CCDC170: variants seen among roughly 807,000 people sequenced by gnomAD.
CCDC170 encodes the protein coiled-coil domain-containing protein 170.
A neutral mutation model predicts 72.6 loss-of-function variants in CCDC170; 69 were observed. The ratio of observed to expected loss-of-function variants is 0.95; its 90% CI spans 0.78 to 1.16. CCDC170 has a LOEUF of 1.16. CCDC170 is among the 50% of genes most tolerant of loss of function. The pLI is 0.00. For missense variants in CCDC170, 852 were observed against 832.5 expected (o/e 1.02, Z -0.29); for synonymous variants, 300 against 303.9 (o/e 0.99, Z 0.13).
At chr6:151,563,849 G>T (rs1257554757) in intron 5 of CCDC170, among the ~76,000 whole-genome samples, 1 of 152,160 alleles carries the variant, frequency 6.6e-6, no homozygotes, top group African/African-American at 2.4e-5. Context: ...GAGCTTCTCA[G>T]GGGTCAATCT....
At chr6:151,610,109 A>G (rs1351741998) in intron 9 of CCDC170, among the ~76,000 whole-genome samples, 1 of 152,210 alleles carries the variant, frequency 6.6e-6, no homozygotes, top group Non-Finnish European at 1.5e-5. Flanking sequence ...TAGCAGTGAG[A>G]TAGTTTGTAA....
intron 1 of CCDC170, among the ~76,000 whole-genome samples, chr6:151,522,183 A>T (rs575282897): frequency 2.6e-5 from 4 of 152,072 alleles, no homozygotes; most frequent in Non-Finnish European, 4.4e-5. Flanking sequence ...TTTCACTTTA[A>T]AGATAATACT....
At chr6:151,529,357 G>T (rs1240777560) in intron 1 of CCDC170, among the ~76,000 whole-genome samples, 5 of 152,056 alleles carry the variant, frequency 3.3e-5, no homozygotes, top group Non-Finnish European at 5.9e-5. Context: ...CCTTCTTGCT[G>T]CTATTACTAA....
In CCDC170 at chr6:151,549,107, G is replaced by A. The variant is rs985365571; in HGVS notation, c.774+618G>A. On this transcript the variant is annotated intron_variant, in intron 5 of 10. Transcript: ENST00000239374. ...TTTTTAGTAGAGATGGGGTTTCACC[G>A]TGTTAGTCAGGATGGTCTCAATCTC... 4.6e-5 allele frequency among the ~76,000 whole-genome samples: 7 copies of A among 152,058 alleles called. No individual in the cohort carries two copies. The East Asian group carries it at 7.7e-4, about 17-fold the overall frequency.
chr6:151,503,706 G>A (rs1377093228), intron 1 of CCDC170, among the ~76,000 whole-genome samples: 1 of 152,084 alleles, frequency 6.6e-6, no homozygotes, highest in Non-Finnish European at 1.5e-5. Flanking sequence ...ACCTGCCCCA[G>A]CCTCCCAAAG....
At position 151,596,460 on chromosome 6, in the gene CCDC170, G is replaced by T. The variant is rs3757321; in HGVS notation, c.1593G>T (p.Ala531=). Residue 531 remains alanine, a synonymous_variant, in exon 9 of 11, where the codon GCG becomes GCT. Transcript: ENST00000239374. ...CCTTGGTGGTTGAGAGGGACAACGC[G>T]CATCTTACCATCAGGAACTTGCAGA... ...RTALVVERDN[A]HLTIRNLQKK... 3 of 1,613,940 alleles carry T rather than the reference G, an allele frequency of 1.9e-6. No individual in the cohort carries two copies. Among genetic ancestry groups the T allele is most frequent in the Non-Finnish European group, 2.5e-6 (3 of 1,179,998 alleles).
chr6:151,517,479 G>T (rs1782252593), intron 1 of CCDC170, among the ~76,000 whole-genome samples: 1 of 149,708 alleles, frequency 6.7e-6, no homozygotes, highest in African/African-American at 2.5e-5. Context: ...TGTCACCCAG[G>T]CTGCGTGCAG....
intron 1 of CCDC170, among the ~76,000 whole-genome samples, chr6:151,510,466 G>T (rs145075004): frequency 6.6e-6 from 1 of 152,078 alleles, no homozygotes; most frequent in Non-Finnish European, 1.5e-5. Flanking sequence ...TATCAGTGAG[G>T]TTACAGAATA....
In CCDC170 at chr6:151,540,373, C is replaced by CTTTT. The variant is rs779650559; in HGVS notation, c.443+2098_443+2101dup. Among the ~76,000 whole-genome samples, 333 of 37,956 alleles carry CTTTT rather than the reference C, an allele frequency of 8.8e-3. 91 individuals are homozygous for CTTTT. Among genetic ancestry groups the CTTTT allele is most frequent in the East Asian group, 0.021 (17 of 816 alleles). 24.9% of individuals were successfully genotyped at this position (37,956 alleles called of 152,430 possible). A position where few individuals can be genotyped will look rare whatever the true frequency, so the allele number is the denominator to read the frequency against. On this transcript the variant is annotated intron_variant, in intron 3 of 10. Transcript: ENST00000239374. Reference sequence around the variant, plus strand: ...CCTCCTCCTCCTTCTTCTGCTGCTGCTTTTTTTTTTTTTTTTTTTTTTTTT... The same window carrying CTTTT: ...CCTCCTCCTCCTTCTTCTGCTGCTGCTTTTTTTTTTTTTTTTTTTTTTTTTTTTT...
intron 5 of CCDC170, among the ~76,000 whole-genome samples, chr6:151,551,819 C>G (rs1054384009): frequency 6.6e-6 from 1 of 152,100 alleles, no homozygotes; most frequent in African/African-American, 2.4e-5. Context: ...CCAGCAAAGT[C>G]GTGCTGAGAT....
intron 1 of CCDC170, among the ~76,000 whole-genome samples, chr6:151,528,992 T>C (rs1322317793): frequency 6.6e-6 from 1 of 152,194 alleles, no homozygotes; most frequent in Non-Finnish European, 1.5e-5. Context: ...ACATCCTTAT[T>C]GAAAAAGTCA....
chr6:151,580,453 C>A lies in CCDC170; in HGVS notation c.1093-5436C>A, dbSNP rs146806800. On this transcript the variant is annotated intron_variant, in intron 6 of 10. Transcript: ENST00000239374. ...ACCAAGATAAACACTGTTTCTCTTG[C>A]GTTAAGATCAGATTTATCTGCTATA... Among the ~76,000 whole-genome samples the A allele has an allele frequency of 2.0e-5, 3 of 151,830 alleles. 1 individual carries two copies. Among genetic ancestry groups the A allele is most frequent in the South Asian group, 4.2e-4 (2 of 4,810 alleles).
chr6:151,537,996 A>G, intron 2 of CCDC170, 49 bp from the exon 3 acceptor site: 1 of 1,534,448 alleles, frequency 6.5e-7, no homozygotes, highest in Non-Finnish European at 8.8e-7. Context: ...GATAATTCAA[A>G]CTTATGTTGT....
chr6:151,534,832 G>A (rs1782551844), intron 1 of CCDC170, among the ~76,000 whole-genome samples: 1 of 152,198 alleles, frequency 6.6e-6, no homozygotes, highest in South Asian at 2.1e-4. Context: ...TAGTGGAGTA[G>A]TCTCTGGCAG....
intron 1 of CCDC170, 64 bp downstream of exon 1, chr6:151,494,249 C>T (rs929271473): frequency 2.0e-5 from 28 of 1,409,868 alleles, no homozygotes; most frequent in Non-Finnish European, 2.4e-5. Context: ...CAGGAGGGGC[C>T]GAGGCGCCCC....
intron 5 of CCDC170, among the ~76,000 whole-genome samples, chr6:151,554,801 G>A (rs1782946553): frequency 6.6e-6 from 1 of 150,730 alleles, no homozygotes; most frequent in Non-Finnish European, 1.5e-5. Context: ...GGCTGCTTGG[G>A]TTTTTATCCT....
chr6:151,615,588 A>C lies in CCDC170; in HGVS notation c.1856A>C (p.Lys619Thr). ...ACAGAACATGAGGCTAAGGAGAATA[A>C]AGAAAGGGCCAGAAACATGATAGAA... ...DTTEHEAKEN[K>T]ERARNMIEVV... The change falls in exon 10 of 11, where the codon AAA becomes ACA. Residue 619 changes from lysine to threonine, a missense_variant. Physicochemically the swap from Lys to Thr is moderately conservative, Grantham distance 78. Transcript: ENST00000239374. 6.2e-7 allele frequency: 1 copy of C among 1,614,148 alleles called. No homozygotes were observed. The highest frequency in any genetic ancestry group is 8.5e-7 in the Non-Finnish European group (1 of 1,180,004).
At position 151,615,457 on chromosome 6, in the gene CCDC170, A is replaced by G; in HGVS notation, c.1725A>G (p.Glu575=). The G allele has an allele frequency of 6.2e-7, 1 of 1,612,772 alleles. No homozygotes were observed. The highest frequency in any genetic ancestry group is 8.5e-7 in the Non-Finnish European group (1 of 1,179,250). The change falls in exon 10 of 11, where the codon GAA becomes GAG. Residue 575 remains glutamate, a synonymous_variant. Transcript: ENST00000239374. ...TGACTTTCTAGATTAAAACTTTGGA[A>G]CAGACTAAAGCCATTGAAGATCTAA... The part of the protein sequence containing the change: ...DTNELKIKTL[E]QTKAIEDLNK...
intron 1 of CCDC170, among the ~76,000 whole-genome samples, chr6:151,499,984 A>G (rs917856297): frequency 1.3e-5 from 2 of 152,168 alleles, no homozygotes; most frequent in African/African-American, 2.4e-5. Context: ...GCTGGATCCT[A>G]TGGTAATCCT....
Sources: gnomAD v4.1 joint callset for allele counts (sites outside exome capture counted in the v4.1 genomes callset) on GRCh38, gnomAD v4.1.1 for gene constraint, MANE v1.5 for transcripts, NCBI Gene and HGNC (gene_info 2026-07-23, HGNC 2026-07-21) for gene names.